The following GRID2 variants were observed in gnomAD, a reference collection of about 807,000 sequenced individuals.
GRID2 encodes glutamate ionotropic receptor delta type subunit 2, also known as glutamate receptor ionotropic, delta-2.
Under a neutral mutation model 114.8 loss-of-function variants are expected in GRID2, and 33 were observed. The ratio of observed to expected loss-of-function variants is 0.29; its 90% confidence interval spans 0.22 to 0.38. The LOEUF (loss-of-function observed/expected upper bound fraction) is 0.38. GRID2 is among the 10% of genes least tolerant of loss of function. The pLI is 1.00. For synonymous variants in GRID2, 505 were observed against 449.9 expected (o/e 1.12, Z -1.55); for missense variants, 1,184 against 1,257.7 (o/e 0.94, Z 0.89).
intron 1 of GRID2, among the ~76,000 whole-genome samples, chr4:93,785,295 C>T (rs1462415318): frequency 6.6e-6 from 1 of 152,128 alleles, no homozygotes; most frequent in African/African-American, 2.4e-5. Context: ...GGAAGAAAGA[C>T]AATTTAACAG....
intron 1 of GRID2, among the ~76,000 whole-genome samples, chr4:93,785,814 C>T (rs1263153925): frequency 6.6e-6 from 1 of 152,018 alleles, no homozygotes; most frequent in East Asian, 1.9e-4. Context: ...GGAAATAGTC[C>T]AGTCCAGTAG....
At chr4:92,820,653 T>C (rs977075253) in intron 2 of GRID2, among the ~76,000 whole-genome samples, 10 of 152,138 alleles carry the variant, frequency 6.6e-5, no homozygotes, top group African/African-American at 2.4e-4. Context: ...GGTGGCATAA[T>C]GTCTTCTGCA....
At chr4:93,406,395 G>A (rs950565525) in intron 9 of GRID2, among the ~76,000 whole-genome samples, 2 of 152,168 alleles carry the variant, frequency 1.3e-5, no homozygotes, top group African/African-American at 2.4e-5. Context: ...GTAGAGATCA[G>A]AGGGTGAGAA....
intron 1 of GRID2, among the ~76,000 whole-genome samples, chr4:92,540,544 G>C (rs933055697): frequency 6.6e-6 from 1 of 152,184 alleles, no homozygotes; most frequent in Non-Finnish European, 1.5e-5. Flanking sequence ...ATGAAGAAAT[G>C]CTCATCATCA....
chr4:92,951,382 C>T (rs1332375980), intron 2 of GRID2, among the ~76,000 whole-genome samples: 2 of 150,428 alleles, frequency 1.3e-5, no homozygotes, highest in African/African-American at 4.9e-5. Context: ...GACAGGATCT[C>T]ACTTTTTCAC....
At chr4:93,218,286 A>C (rs1253529550) in intron 6 of GRID2, among the ~76,000 whole-genome samples, 2 of 151,874 alleles carry the variant, frequency 1.3e-5, no homozygotes, top group Non-Finnish European at 2.9e-5. Flanking sequence ...AATCACTTGA[A>C]CCCAGAAGTT....
chr4:93,058,816 A>G (rs973677387), intron 2 of GRID2, among the ~76,000 whole-genome samples: 2 of 152,042 alleles, frequency 1.3e-5, no homozygotes, highest in African/African-American at 4.8e-5. Context: ...CATTTGGCTC[A>G]TTCCAAATAA....
At chr4:93,489,667 G>A (rs778888396) in intron 11 of GRID2, among the ~76,000 whole-genome samples, 3 of 151,960 alleles carry the variant, frequency 2.0e-5, no homozygotes, top group Non-Finnish European at 4.4e-5. Flanking sequence ...GATGAGGTAG[G>A]ATTTGGGATG....
chr4:92,445,887 T>A (rs1733432852), intron 1 of GRID2, among the ~76,000 whole-genome samples: 1 of 152,236 alleles, frequency 6.6e-6, no homozygotes, highest in Non-Finnish European at 1.5e-5. Flanking sequence ...TGTGAACACA[T>A]TTTTAATTTT....
At chr4:92,942,547 T>C (rs181755663) in intron 2 of GRID2, among the ~76,000 whole-genome samples, 35 of 152,306 alleles carry the variant, frequency 2.3e-4, no homozygotes, top group African/African-American at 7.9e-4. Flanking sequence ...TGTCTTTTAA[T>C]TGGAGCATTT....
intron 1 of GRID2, among the ~76,000 whole-genome samples, chr4:92,455,440 G>C (rs1373582918): frequency 6.6e-6 from 1 of 152,138 alleles, no homozygotes; most frequent in Non-Finnish European, 1.5e-5. Flanking sequence ...ATGTGAGAAG[G>C]AGAAGTACAC....
intron 2 of GRID2, among the ~76,000 whole-genome samples, chr4:93,008,324 G>A (rs1280263363): frequency 6.6e-6 from 1 of 152,016 alleles, no homozygotes; most frequent in Non-Finnish European, 1.5e-5. Flanking sequence ...AACCTATACT[G>A]TATGTGCAAG....
At chr4:92,568,625 T>A (rs999881207) in intron 1 of GRID2, among the ~76,000 whole-genome samples, 2 of 152,010 alleles carry the variant, frequency 1.3e-5, no homozygotes, top group Admixed American at 1.3e-4. Context: ...GTTATATAGG[T>A]AAACTTGTGT....
chr4:92,767,957 A>C (rs1353973479), intron 2 of GRID2, among the ~76,000 whole-genome samples: 1 of 151,998 alleles, frequency 6.6e-6, no homozygotes, highest in Non-Finnish European at 1.5e-5. Flanking sequence ...GTACATGATC[A>C]GCACATAAGT....
At chr4:92,854,499 T>G (rs1744043222) in intron 2 of GRID2, among the ~76,000 whole-genome samples, 1 of 151,868 alleles carries the variant, frequency 6.6e-6, no homozygotes, top group South Asian at 2.1e-4. Flanking sequence ...TATACATGTT[T>G]CGAACACTGC....
At chr4:93,685,729 C>T (rs1726017468) in intron 14 of GRID2, among the ~76,000 whole-genome samples, 1 of 152,002 alleles carries the variant, frequency 6.6e-6, no homozygotes, top group African/African-American at 2.4e-5. Flanking sequence ...CTTTTCTCTA[C>T]CAAGTTTTAG....
At chr4:92,759,314 A>G (rs1255095723) in intron 2 of GRID2, among the ~76,000 whole-genome samples, 2 of 152,106 alleles carry the variant, frequency 1.3e-5, no homozygotes, top group African/African-American at 4.8e-5. Flanking sequence ...AATATAACCT[A>G]TATTTCTGTC....
At chr4:93,409,672 A>G (rs1378013845) in intron 9 of GRID2, among the ~76,000 whole-genome samples, 1 of 152,202 alleles carries the variant, frequency 6.6e-6, no homozygotes, top group Non-Finnish European at 1.5e-5. Context: ...TTTATCAACC[A>G]TGTAGTTTCT....
chr4:93,557,101 T>C (rs1342908190), intron 13 of GRID2, among the ~76,000 whole-genome samples: 1 of 151,904 alleles, frequency 6.6e-6, no homozygotes, highest in Non-Finnish European at 1.5e-5. Flanking sequence ...GCACTACATA[T>C]GGAGAGGAAA....
Sources: gnomAD v4.1 joint callset for allele counts (sites outside exome capture counted in the v4.1 genomes callset) on GRCh38, gnomAD v4.1.1 for gene constraint, MANE v1.5 for transcripts, NCBI Gene and HGNC (gene_info 2026-07-23, HGNC 2026-07-21) for gene names.